The following CSMD1 variants were observed in gnomAD, a reference collection of about 807,000 sequenced individuals.
The protein encoded by CSMD1 is CUB and Sushi multiple domains 1, also known as CUB and sushi domain-containing protein 1.
Under a neutral mutation model 417.5 loss-of-function variants are expected in CSMD1, and 213 were observed. The observed-to-expected ratio is 0.51, with a 90% CI of 0.46 to 0.57. CSMD1 has a LOEUF of 0.57. Among genes scored for constraint, CSMD1 ranks in the 20% least tolerant of loss-of-function variants. The pLI is 0.00. For missense variants in CSMD1, 6,923 were observed against 4,529.7 expected (o/e 1.53, Z -15.17); for synonymous variants, 2,862 against 1,736.8 (o/e 1.65, Z -16.11).
chr8:3,864,380 T>G (rs567984914), intron 5 of CSMD1, among the ~76,000 whole-genome samples: 1 of 152,268 alleles, frequency 6.6e-6, no homozygotes, highest in African/African-American at 2.4e-5. Context: ...ATATACATTT[T>G]TAATCAAAAG....
intron 3 of CSMD1, among the ~76,000 whole-genome samples, chr8:4,336,432 C>T (rs1800176816): frequency 1.3e-5 from 2 of 152,126 alleles, no homozygotes; most frequent in African/African-American, 4.8e-5. Context: ...GGCCCCCGGT[C>T]AGTTAATGTC....
chr8:4,624,871 T>C (rs1160558693), intron 2 of CSMD1, among the ~76,000 whole-genome samples: 1 of 152,064 alleles, frequency 6.6e-6, no homozygotes, highest in Non-Finnish European at 1.5e-5. Context: ...TTCGTTTCCA[T>C]TCGGGGTGGT....
intron 1 of CSMD1, among the ~76,000 whole-genome samples, chr8:4,906,209 G>C (rs777909375): frequency 1.5e-4 from 23 of 152,178 alleles, no homozygotes; most frequent in Non-Finnish European, 7.4e-5. Context: ...TTCACTAGCA[G>C]AAGAAACTAT....
intron 54 of CSMD1, among the ~76,000 whole-genome samples, chr8:2,979,016 T>A (rs1270953904): frequency 1.3e-5 from 2 of 152,196 alleles, no homozygotes; most frequent in Non-Finnish European, 2.9e-5. Context: ...CGATAGCAAT[T>A]TTCACGTGAG....
chr8:4,061,351 G>A (rs1221405354), intron 3 of CSMD1, among the ~76,000 whole-genome samples: 1 of 152,176 alleles, frequency 6.6e-6, no homozygotes, highest in Non-Finnish European at 1.5e-5. Context: ...ACAAAGAAAA[G>A]TAGAAGTAAA....
chr8:3,481,539 C>A (rs1371548847), intron 11 of CSMD1, among the ~76,000 whole-genome samples: 1 of 152,174 alleles, frequency 6.6e-6, no homozygotes, highest in Non-Finnish European at 1.5e-5. Flanking sequence ...TCACTCTAAT[C>A]CCTCAAATCT....
At chr8:4,163,587 C>A (rs1797288055) in intron 3 of CSMD1, among the ~76,000 whole-genome samples, 1 of 152,228 alleles carries the variant, frequency 6.6e-6, no homozygotes, top group African/African-American at 2.4e-5. Flanking sequence ...GATAAAACTT[C>A]CTGTTTTAAA....
At position 3,429,560 on chromosome 8, in the gene CSMD1, A is replaced by G. The variant is rs376141010; in HGVS notation, c.1562-19955T>C. Reference sequence around the variant, plus strand: ...TCAGGAACGTTCAATATCTTTCACTATGAGGTATTCGCACTCTGGGAGGGG... The same window carrying G: ...TCAGGAACGTTCAATATCTTTCACTGTGAGGTATTCGCACTCTGGGAGGGG... On this transcript the variant is annotated intron_variant, in intron 12 of 69. Transcript: ENST00000635120. Among the ~76,000 whole-genome samples, 115 of 152,272 alleles carry G rather than the reference A, an allele frequency of 7.6e-4. No individual in the cohort carries two copies. In the South Asian group the frequency reaches 0.015, roughly 20 times the overall value.
At chr8:4,957,485 A>G (rs1035976246) in intron 1 of CSMD1, among the ~76,000 whole-genome samples, 1 of 152,224 alleles carries the variant, frequency 6.6e-6, no homozygotes, top group South Asian at 2.1e-4. Context: ...GAAGACACAC[A>G]TATCAGAGTA....
At chr8:4,038,081 A>C (rs1797708819) in intron 3 of CSMD1, among the ~76,000 whole-genome samples, 1 of 152,274 alleles carries the variant, frequency 6.6e-6, no homozygotes, top group Non-Finnish European at 1.5e-5. Context: ...GAAGTAAAAT[A>C]ACTCAGCAAA....
chr8:4,063,732 G>C (rs1037685756), intron 3 of CSMD1, among the ~76,000 whole-genome samples: 2 of 152,116 alleles, frequency 1.3e-5, no homozygotes, highest in African/African-American at 4.8e-5. Context: ...CCTTAGAAAT[G>C]GGAAGTGCCT....
intron 8 of CSMD1, among the ~76,000 whole-genome samples, chr8:3,616,405 T>A (rs1191237532): frequency 6.6e-6 from 1 of 152,180 alleles, no homozygotes; most frequent in Non-Finnish European, 1.5e-5. Flanking sequence ...TGATTGTAAG[T>A]TTCCTGAGAC....
chr8:4,744,118 G>C (rs1048778915), intron 1 of CSMD1, among the ~76,000 whole-genome samples: 2 of 152,138 alleles, frequency 1.3e-5, no homozygotes, highest in African/African-American at 4.8e-5. Flanking sequence ...AAGCTAATAC[G>C]CAGAGGTGCT....
rs546774983 is a variant in CSMD1 at position 4,047,858 on chromosome 8, C to T, written c.416-15759G>A. 2.0e-5 allele frequency among the ~76,000 whole-genome samples: 3 copies of T among 152,078 alleles called. No homozygotes were observed. In the East Asian group the frequency reaches 5.8e-4, roughly 29 times the overall value. On this transcript the variant is annotated intron_variant, in intron 3 of 69. Coordinates refer to ENST00000635120, the MANE Select transcript of CSMD1 (RefSeq NM_033225.6). ...TGAAAAAAAATATGAAGTAGAGGAT[C>T]AGATCTAATAATAATATTTACATCA... is the stretch of plus-strand genomic sequence containing the variant.
At chr8:3,771,654 G>A (rs1161173955) in intron 5 of CSMD1, among the ~76,000 whole-genome samples, 1 of 152,146 alleles carries the variant, frequency 6.6e-6, no homozygotes, top group East Asian at 1.9e-4. Context: ...TCACCCCCAG[G>A]AAGCAAAACA....
intron 23 of CSMD1, among the ~76,000 whole-genome samples, chr8:3,319,547 T>G (rs1037917277): frequency 3.5e-4 from 54 of 152,330 alleles, no homozygotes; most frequent in African/African-American, 1.2e-3. Flanking sequence ...TAAATTATAT[T>G]GAAATATAAT....
At chr8:3,814,648 C>T (rs1237195731) in intron 5 of CSMD1, among the ~76,000 whole-genome samples, 2 of 152,290 alleles carry the variant, frequency 1.3e-5, no homozygotes, top group Non-Finnish European at 2.9e-5. Flanking sequence ...AAGAGCTATC[C>T]AACCTCAAAT....
At chr8:3,056,674 T>C (rs1812249658) in intron 49 of CSMD1, among the ~76,000 whole-genome samples, 1 of 152,200 alleles carries the variant, frequency 6.6e-6, no homozygotes, top group Non-Finnish European at 1.5e-5. Flanking sequence ...CTGGCCAGCC[T>C]GAGGATTTCT....
intron 4 of CSMD1, among the ~76,000 whole-genome samples, chr8:4,003,312 G>A (rs1288072728): frequency 6.6e-6 from 1 of 152,094 alleles, no homozygotes; most frequent in African/African-American, 2.4e-5. Context: ...AGAATGGTGT[G>A]AACCTGGGAG....
Sources: allele counts gnomAD v4.1 joint callset (sites outside exome capture counted in the v4.1 genomes callset), GRCh38; gene constraint gnomAD v4.1.1; transcripts MANE v1.5; gene names NCBI Gene and HGNC (gene_info 2026-07-23, HGNC 2026-07-21).